The following PDK4 variants were observed in gnomAD, a reference collection of about 807,000 sequenced individuals.
PDK4 encodes pyruvate dehydrogenase kinase 4, also known as pyruvate dehydrogenase kinase, isozyme 4.
In PDK4, 43 loss-of-function variants were observed where a neutral mutation model predicts 51.7. The ratio of observed to expected loss-of-function variants is 0.83; its 90% confidence interval spans 0.65 to 1.07. The LOEUF (loss-of-function observed/expected upper bound fraction) is 1.07. Ranked by LOEUF, PDK4 falls within the 50% of genes least tolerant of loss-of-function variation. The pLI is 0.00. For missense variants in PDK4, 498 were observed against 503.5 expected (o/e 0.99, Z 0.10); for synonymous variants, 170 against 176.6 (o/e 0.96, Z 0.30).
rs547848825 is a variant in PDK4, at chr7:95,587,734, G to A, written c.863C>T (p.Thr288Ile). The A allele has an allele frequency of 5.0e-6, 8 of 1,595,262 alleles. No homozygotes were observed. In the South Asian group the frequency reaches 6.6e-5, roughly 13 times the overall value. The part of the protein sequence containing the change: ...VIVVLGKEDL[T>I]IKISDRGGGV... ...AAAACAGAGAATGGTTACCTTAATG[G>A]TAAGGTCTTCTTTTCCCAAGACAAC... Residue 288 changes from threonine to isoleucine, a missense_variant, in exon 8 of 11, where the codon ACC becomes ATC. Transcript: ENST00000005178.
At position 95,595,044 on chromosome 7, in the gene PDK4, G is replaced by A; in HGVS notation, c.251C>T (p.Ser84Leu). Residue 84 changes from serine to leucine, a missense_variant, in exon 2 of 11, where the codon TCA (serine) becomes TTA (leucine). Physicochemically the swap from Ser to Leu is moderately radical, Grantham distance 145. Coordinates refer to ENST00000005178, the MANE Select transcript of PDK4 (RefSeq NM_002612.4). ...TTACCAGCTTTTAACCAATTGCACTGAAGAGGTATTTACTAATTGGGTCGG... is the reference window on the plus strand; with the variant it reads ...TTACCAGCTTTTAACCAATTGCACTAAAGAGGTATTTACTAATTGGGTCGG... ...ILPTQLVNTSSVQLVKSWYIQ... is the reference protein window; with the variant it reads ...ILPTQLVNTSLVQLVKSWYIQ... 6.2e-7 allele frequency: 1 copy of A among 1,611,658 alleles called. No homozygotes were observed. The highest frequency in any genetic ancestry group is 8.5e-7 in the Non-Finnish European group (1 of 1,178,104).
Position 95,593,789 on chromosome 7 carries a change from G to A in PDK4, c.273-19C>T, listed in dbSNP as rs1226237689. 3.3e-6 allele frequency: 4 copies of A among 1,224,576 alleles called. No individual in the cohort carries two copies. The highest frequency in any genetic ancestry group is 1.9e-4 in the Middle Eastern group (1 of 5,238). 75.9% of individuals were successfully genotyped at this position (1,224,576 alleles called of 1,614,324 possible). On this transcript the variant is annotated intron_variant, in intron 2 of 10. Coordinates refer to ENST00000005178, the MANE Select transcript of PDK4 (RefSeq NM_002612.4). ...TATATACCTGTAAAGAAACAGGTAT[G>A]CTTTAAGTTTTAAAATTAATAGTCA...
chr7:95,589,951 A>G (rs2116714704), intron 6 of PDK4, among the ~76,000 whole-genome samples: 1 of 151,150 alleles, frequency 6.6e-6, no homozygotes, highest in East Asian at 1.9e-4. Context: ...TTTTTTTTGT[A>G]GAGATAGGGT....
Position 95,587,714 on chromosome 7 carries a change from A to C in PDK4, c.870+13T>G. The C allele has an allele frequency of 6.4e-7, 1 of 1,557,138 alleles. No homozygotes were observed. Among genetic ancestry groups the C allele is most frequent in the Non-Finnish European group, 8.9e-7 (1 of 1,128,104 alleles). ...CTCAAGAGACACCCAAAAGGAAAACAGAGAATGGTTACCTTAATGGTAAGG... is the reference window on the plus strand; with the variant it reads ...CTCAAGAGACACCCAAAAGGAAAACCGAGAATGGTTACCTTAATGGTAAGG... On this transcript the variant is annotated intron_variant, in intron 8 of 10. Transcript: ENST00000005178.
Position 95,595,122 on chromosome 7 carries a change from C to G in PDK4, c.173G>C (p.Arg58Pro). ...ACERTSFAFL[R>P]QELPVRLANI... ...GGCGAGTCTCACAGGCAATTCTTGT[C>G]GCAAAAATGCAAAAGAAGTTCTTTC... is the stretch of plus-strand genomic sequence containing the variant. Residue 58 changes from arginine (R) to proline (P), a missense_variant, in exon 2 of 11, where the codon CGA (arginine) becomes CCA (proline). Coordinates refer to ENST00000005178, the MANE Select transcript of PDK4 (RefSeq NM_002612.4). 6.2e-7 allele frequency: 1 copy of G among 1,612,724 alleles called. No individual in the cohort carries two copies. Among genetic ancestry groups the G allele is most frequent in the Non-Finnish European group, 8.5e-7 (1 of 1,179,080 alleles).
At position 95,596,081 on chromosome 7, in the gene PDK4, C is replaced by T. The variant is rs569839605; in HGVS notation, c.130+83G>A. 139 of 1,424,562 alleles carry T rather than the reference C, an allele frequency of 9.8e-5. 2 individuals are homozygous for T. The South Asian group carries it at 1.7e-3, about 17-fold the overall frequency. The allele number at this position is 1,424,562 out of a possible 1,614,324, so 88.2% of individuals were successfully genotyped here. On this transcript the variant is annotated intron_variant, in intron 1 of 10. Coordinates refer to ENST00000005178, the MANE Select transcript of PDK4 (RefSeq NM_002612.4). The stretch of plus-strand genomic sequence containing the variant: ...TGAACCCCAGTTGTTTTAGCTTGAG[C>T]CTAGCCCTCCCTCTACCAAGGCTGA...
Position 95,592,567 on chromosome 7 carries a change from T to A in PDK4, c.560A>T (p.Asn187Ile), listed in dbSNP as rs146781803. Reference protein sequence around the residue: ...ILIFSDSQTGNPSHIGSIDPN... With the variant: ...ILIFSDSQTGIPSHIGSIDPN... Reference sequence around the variant, plus strand: ...ATCAATGCTTCCAATGTGGCTTGGGTTTCCTGTCTGTGAGTCACTAAATAT... The same window carrying A: ...ATCAATGCTTCCAATGTGGCTTGGGATTCCTGTCTGTGAGTCACTAAATAT... The change falls in exon 5 of 11, where the codon AAC (asparagine) becomes ATC (isoleucine). Residue 187 changes from asparagine to isoleucine, a missense_variant. Physicochemically the swap from Asn to Ile is moderately radical, Grantham distance 149. Transcript: ENST00000005178. 2 of 1,610,888 alleles carry A rather than the reference T, an allele frequency of 1.2e-6. No individual in the cohort carries two copies. Among genetic ancestry groups the A allele is most frequent in the Non-Finnish European group, 1.7e-6 (2 of 1,177,144 alleles).
At position 95,592,748 on chromosome 7, in the gene PDK4, G is replaced by T; in HGVS notation, c.529+12C>A. On this transcript the variant is annotated intron_variant, in intron 4 of 10. Transcript: ENST00000005178. ...CATGTCTATATACCATGATCATGAT[G>T]AGCTAACTTACTGTGCTGGTTCATC... 6.2e-7 allele frequency: 1 copy of T among 1,600,426 alleles called. No homozygotes were observed. Among genetic ancestry groups the T allele is most frequent in the South Asian group, 1.1e-5 (1 of 89,848 alleles).
intron 6 of PDK4, among the ~76,000 whole-genome samples, chr7:95,591,391 A>G (rs73430171): frequency 0.056 from 8,534 of 152,282 alleles, 773 homozygotes; most frequent in African/African-American, 0.19. Flanking sequence ...TATAAGCACT[A>G]TGTTGAACAG....
Position 95,592,402 on chromosome 7 carries a change from T to C in PDK4, c.616+109A>G, listed in dbSNP as rs1791562082. ...TTGAAGATAACATTTATAAAATAAA[T>C]GGAACACTCTGTGAATATAAATTCA... On this transcript the variant is annotated intron_variant, in intron 5 of 10. Transcript: ENST00000005178. 3.6e-5 allele frequency: 26 copies of C among 720,298 alleles called. No homozygotes were observed. In the South Asian group the frequency reaches 4.4e-4, roughly 12 times the overall value. 44.6% of individuals were successfully genotyped at this position (720,298 alleles called of 1,614,324 possible).
Position 95,589,811 on chromosome 7 carries a change from G to A in PDK4, c.695-95C>T, listed in dbSNP as rs1001123300. The A allele has an allele frequency of 1.2e-5, 9 of 735,988 alleles. No individual in the cohort carries two copies. The East Asian group carries it at 2.3e-4, about 19-fold the overall frequency. 45.6% of individuals were successfully genotyped at this position (735,988 alleles called of 1,614,324 possible). The stretch of plus-strand genomic sequence containing the variant: ...GATTAACATTTTAGACTTCAAGAGG[G>A]TTGGCATATTCTCTACCTTCCCCAT... On this transcript the variant is annotated intron_variant, in intron 6 of 10. Transcript: ENST00000005178.
In PDK4 at chr7:95,596,285, C is replaced by G. The variant is rs751178394; in HGVS notation, c.9G>C (p.Ala3=). The G allele has an allele frequency of 1.3e-6, 2 of 1,573,400 alleles. No homozygotes were observed. Among genetic ancestry groups the G allele is most frequent in the Admixed American group, 3.7e-5 (2 of 54,032 alleles). ...CAGCGCTGCGCAGCACGAAGCGGGC[C>G]GCCTTCATCTTGACGCCCACCCGGC... is the stretch of plus-strand genomic sequence containing the variant. MK[A]ARFVLRSAGS... The change falls in exon 1 of 11, where the codon GCG becomes GCC. Residue 3 remains alanine, a synonymous_variant. Transcript: ENST00000005178.
intron 2 of PDK4, among the ~76,000 whole-genome samples, chr7:95,594,347 A>G (rs1490011110): frequency 6.6e-6 from 1 of 152,238 alleles, no homozygotes; most frequent in South Asian, 2.1e-4. Context: ...TTCTCTAAGC[A>G]TCAGTATCTT....
At chr7:95,589,586 T>A in intron 7 of PDK4, 54 bp downstream of exon 7, 1 of 871,916 alleles carries the variant, frequency 1.1e-6, no homozygotes, top group Non-Finnish European at 1.8e-6. Context: ...GATAAAAATA[T>A]AACTGTTAAA....
chr7:95,589,593 T>G, intron 7 of PDK4, 47 bp downstream of exon 7: 1 of 954,112 alleles, frequency 1.0e-6, no homozygotes, highest in Non-Finnish European at 1.7e-6. Flanking sequence ...ATATAACTGT[T>G]AAACCTTTTT....
chr7:95,596,230 G>A lies in PDK4; in HGVS notation c.64C>T (p.Arg22Ter), dbSNP rs750023611. ...GSLNGAGLVP[R>*]EVEHFSRYSP... ...TAGCGCGAGAAATGCTCCACCTCTC[G>A]GGGCACCAGGCCGGCGCCGTTGAGC... The change falls in exon 1 of 11, where the codon CGA (arginine) becomes TGA (stop). Residue 22 changes from arginine to a stop codon, truncating the protein, a stop_gained. Coordinates refer to ENST00000005178, the MANE Select transcript of PDK4 (RefSeq NM_002612.4). LOFTEE classifies it high-confidence loss of function. The A allele has an allele frequency of 2.5e-6, 4 of 1,603,162 alleles. No homozygotes were observed. The highest frequency in any genetic ancestry group is 3.4e-6 in the Non-Finnish European group (4 of 1,174,966).
At chr7:95,587,300 T>G in intron 9 of PDK4, 118 bp downstream of exon 9, 1 of 749,526 alleles carries the variant, frequency 1.3e-6, no homozygotes, top group Non-Finnish European at 2.3e-6. Flanking sequence ...TTCATTCTTA[T>G]ATCCTTCATG....
In PDK4 at chr7:95,585,335, C is replaced by A; in HGVS notation, c.*306G>T. ...TAACCACCATCTTCACACTCACTCCCTTTCTTATTCTTATCAAAAACAGAT... is the reference window on the plus strand; with the variant it reads ...TAACCACCATCTTCACACTCACTCCATTTCTTATTCTTATCAAAAACAGAT... On this transcript the variant is annotated 3_prime_UTR_variant, in exon 11 of 11. Coordinates refer to ENST00000005178, the MANE Select transcript of PDK4 (RefSeq NM_002612.4). 4.7e-6 allele frequency: 1 copy of A among 213,808 alleles called. No individual in the cohort carries two copies. The highest frequency in any genetic ancestry group is 9.2e-6 in the Non-Finnish European group (1 of 108,482). The allele number at this position is 213,808 out of a possible 1,614,324, so 13.2% of individuals were successfully genotyped here. A position where few individuals can be genotyped will look rare whatever the true frequency, so the allele number is the denominator to read the frequency against.
rs142890516 is a variant in PDK4, at chr7:95,589,643, A to C, written c.768T>G (p.Phe256Leu). ...SHLHHMLFELFKNAMRATVEH... is the reference protein window; with the variant it reads ...SHLHHMLFELLKNAMRATVEH... ...CAATTATTGTGAAGTATCATACCTT[A>C]AATAGTTCAAAGAGCATATGATGGA... Residue 256 changes from phenylalanine (F) to leucine (L), a missense_variant, in exon 7 of 11, where the codon TTT becomes TTG. By Grantham distance (22) the Phe-to-Leu change is conservative. Transcript: ENST00000005178. 4 of 1,507,220 alleles carry C rather than the reference A, an allele frequency of 2.7e-6. No homozygotes were observed. The highest frequency in any genetic ancestry group is 3.4e-5 in the Admixed American group (2 of 58,980). 93.4% of individuals were successfully genotyped at this position (1,507,220 alleles called of 1,614,324 possible). A position where few individuals can be genotyped will look rare whatever the true frequency, so the allele number is the denominator to read the frequency against.
Sources: allele counts gnomAD v4.1 joint callset (sites outside exome capture counted in the v4.1 genomes callset), GRCh38; gene constraint gnomAD v4.1.1; transcripts MANE v1.5; gene names NCBI Gene and HGNC (gene_info 2026-07-23, HGNC 2026-07-21).